Variants in TERB1 observed in about 807,000 individuals in gnomAD.
TERB1 encodes the protein telomere repeat binding bouquet formation protein 1, also known as telomere repeats-binding bouquet formation protein 1.
Under a neutral mutation model 92.3 loss-of-function variants are expected in TERB1, and 63 were observed. The observed-to-expected ratio is 0.68, with a 90% CI of 0.56 to 0.84. TERB1 has a LOEUF of 0.84. Among genes scored for constraint, TERB1 ranks in the 40% least tolerant of loss-of-function variants. The pLI is 0.00. For synonymous variants in TERB1, 252 were observed against 283.9 expected (o/e 0.89, Z 1.13); for missense variants, 709 against 843.7 (o/e 0.84, Z 1.98).
chr16:66,801,701 G>A (rs1959321503), upstream of TERB1: 1 of 152,230 alleles, frequency 6.6e-6, no homozygotes, highest in Non-Finnish European at 1.5e-5. Context: ...GGTTGCCAAG[G>A]GCAATGGGGT....
intron 10 of TERB1, among the ~76,000 whole-genome samples, chr16:66,778,619 T>C (rs542348004): frequency 6.6e-6 from 1 of 152,296 alleles, no homozygotes; most frequent in East Asian, 1.9e-4. Flanking sequence ...GGTTTCACCA[T>C]GTTGGCCAGG....
chr16:66,755,228 G>A, intron 18 of TERB1, 65 bp from the exon 19 acceptor site: 3 of 957,664 alleles, frequency 3.1e-6, no homozygotes, highest in Non-Finnish European at 4.8e-6. Flanking sequence ...GCAAATAAGT[G>A]CTTATTTGGA....
chr16:66,768,251 A>AT, intron 14 of TERB1, 83 bp from the exon 15 acceptor site: 2 of 1,167,506 alleles, frequency 1.7e-6, no homozygotes, highest in Non-Finnish European at 2.4e-6. Flanking sequence ...CAGTGTTGTG[A>AT]TTTTCGGTGT....
chr16:66,763,478 G>C (rs2018286830), intron 16 of TERB1, among the ~76,000 whole-genome samples: 1 of 152,072 alleles, frequency 6.6e-6, no homozygotes, highest in South Asian at 2.1e-4. Flanking sequence ...GTCAGATTCA[G>C]GTTCAAGTGT....
Position 66,775,108 on chromosome 16 carries a change from G to C in TERB1, c.1111+10C>G. 6.4e-7 allele frequency: 1 copy of C among 1,551,012 alleles called. No homozygotes were observed. Reference sequence around the variant, plus strand: ...TGGTTGGTATGTTCTTAAAGTAATAGTACACTTACTAATTTTTTTGCAGTT... The same window carrying C: ...TGGTTGGTATGTTCTTAAAGTAATACTACACTTACTAATTTTTTTGCAGTT... On this transcript the variant is annotated intron_variant, in intron 12 of 18. Coordinates refer to ENST00000433154, the MANE Select transcript of TERB1 (RefSeq NM_001136505.2).
Position 66,768,138 on chromosome 16 carries a change from A to T in TERB1, c.1650T>A (p.Ile550=). The change falls in exon 15 of 19, where the codon ATT becomes ATA. Residue 550 remains isoleucine (I), a synonymous_variant. Coordinates refer to ENST00000433154, the MANE Select transcript of TERB1 (RefSeq NM_001136505.2). ...GTAACTGCTGCTTTATATTTTTGGC[A>T]ATGTGAACTGGGTGTTTAAAAACAT... is the stretch of plus-strand genomic sequence containing the variant. ...SDHVFKHPVH[I]AKNIKQQLPV... 6.4e-7 allele frequency: 1 copy of T among 1,550,908 alleles called. No individual in the cohort carries two copies. Among genetic ancestry groups the T allele is most frequent in the Non-Finnish European group, 8.7e-7 (1 of 1,146,408 alleles).
chr16:66,799,226 A>G (rs1488662856), intron 2 of TERB1, among the ~76,000 whole-genome samples: 1 of 152,082 alleles, frequency 6.6e-6, no homozygotes, highest in Non-Finnish European at 1.5e-5. Context: ...GGTGTAATGT[A>G]TAACTTTTTC....
At chr16:66,781,442 T>A (rs917612631) in intron 9 of TERB1, among the ~76,000 whole-genome samples, 9 of 152,078 alleles carry the variant, frequency 5.9e-5, no homozygotes, top group African/African-American at 9.7e-5. Context: ...CCATTTTTTT[T>A]AATCTTTTAA....
At chr16:66,760,416 G>A (rs1240385875) in intron 16 of TERB1, among the ~76,000 whole-genome samples, 2 of 130,626 alleles carry the variant, frequency 1.5e-5, no homozygotes, top group African/African-American at 3.0e-5. Flanking sequence ...CTGAGATCAC[G>A]ACTGCACTCC....
Position 66,755,139 on chromosome 16 carries a change from A to T in TERB1, c.2021T>A (p.Phe674Tyr). The change falls in exon 19 of 19, where the codon TTT becomes TAT. Residue 674 changes from phenylalanine (F) to tyrosine (Y), a missense_variant. Transcript: ENST00000433154. Reference sequence around the variant, plus strand: ...AAGGTAATTTACTTCTTCTTCAGTAAAGTTTTTGCGAATTCTTCTTTTTTC... The same window carrying T: ...AAGGTAATTTACTTCTTCTTCAGTATAGTTTTTGCGAATTCTTCTTTTTTC... ...GIKKRRIRKN[F>Y]TEEEVNYLFN... 1 of 1,545,768 alleles carries T rather than the reference A, an allele frequency of 6.5e-7. No homozygotes were observed. The highest frequency in any genetic ancestry group is 8.8e-7 in the Non-Finnish European group (1 of 1,142,470).
At chr16:66,775,351 AG>A in intron 11 of TERB1, 108 bp from the exon 12 acceptor site, 1 of 1,052,340 alleles carries the variant, frequency 9.5e-7, no homozygotes, top group South Asian at 1.6e-5. Flanking sequence ...TTTTAAAAAT[AG>A]GCCAGGAACG....
chr16:66,772,507 T>G (rs2018468524), intron 13 of TERB1, 82 bp downstream of exon 13: 1 of 1,252,000 alleles, frequency 8.0e-7, no homozygotes, highest in Non-Finnish European at 1.1e-6. Flanking sequence ...AAAATTTATA[T>G]GTCAGTGTAG....
At chr16:66,766,559 A>G (rs997726199) in intron 16 of TERB1, among the ~76,000 whole-genome samples, 1 of 152,228 alleles carries the variant, frequency 6.6e-6, no homozygotes, top group African/African-American at 2.4e-5. Context: ...AAACATTTAC[A>G]TATTATAAAT....
intron 9 of TERB1, among the ~76,000 whole-genome samples, chr16:66,780,006 G>C (rs1391277562): frequency 6.6e-6 from 1 of 152,092 alleles, no homozygotes; most frequent in Non-Finnish European, 1.5e-5. Context: ...AATGACTACA[G>C]GCGTGCACCA....
At chr16:66,790,466 G>A (rs1429610506) in intron 5 of TERB1, 129 bp downstream of exon 5, 2 of 597,962 alleles carry the variant, frequency 3.3e-6, no homozygotes, top group Non-Finnish European at 5.5e-6. Context: ...AGGGGGGAAG[G>A]AGGCTAGATA....
intron 2 of TERB1, among the ~76,000 whole-genome samples, chr16:66,799,346 G>A (rs1959220672): frequency 6.6e-6 from 1 of 151,940 alleles, no homozygotes; most frequent in Admixed American, 6.6e-5. Flanking sequence ...TCCTGTCTCC[G>A]CCTCCTGAGT....
intron 3 of TERB1, among the ~76,000 whole-genome samples, chr16:66,794,456 T>C (rs973020288): frequency 1.3e-5 from 2 of 151,288 alleles, no homozygotes. Flanking sequence ...TTCTCATACT[T>C]TGGTATCTCC....
chr16:66,784,280 C>T (rs1216575794), intron 9 of TERB1, among the ~76,000 whole-genome samples: 1 of 151,370 alleles, frequency 6.6e-6, no homozygotes, highest in African/African-American at 2.4e-5. Flanking sequence ...CTTATTTTAA[C>T]TTACTTGGTT....
Position 66,754,753 on chromosome 16 carries a change from G to T in TERB1, c.*223C>A. 1 of 476,142 alleles carries T rather than the reference G, an allele frequency of 2.1e-6. No individual in the cohort carries two copies. Among genetic ancestry groups the T allele is most frequent in the Non-Finnish European group, 3.7e-6 (1 of 273,424 alleles). 29.5% of individuals were successfully genotyped at this position (476,142 alleles called of 1,614,324 possible). A position where few individuals can be genotyped will look rare whatever the true frequency, so the allele number is the denominator to read the frequency against. ...AAAGCATATTCCTAAACAAATGTTT[G>T]ATCTTATGAAGGAATTTTCTTACTA... On this transcript the variant is annotated 3_prime_UTR_variant, in exon 19 of 19. Transcript: ENST00000433154.
Sources: allele counts gnomAD v4.1 joint callset (sites outside exome capture counted in the v4.1 genomes callset), GRCh38; gene constraint gnomAD v4.1.1; transcripts MANE v1.5; gene names NCBI Gene and HGNC (gene_info 2026-07-23, HGNC 2026-07-21).